CCDC57: variants seen among roughly 807,000 people sequenced by gnomAD.
CCDC57 encodes the protein coiled-coil domain-containing protein 57.
A neutral mutation model predicts 118.9 loss-of-function variants in CCDC57; 118 were observed. The observed-to-expected ratio is 0.99, with a 90% CI of 0.86 to 1.16. CCDC57 has a LOEUF of 1.16. CCDC57 is among the 50% of genes most tolerant of loss of function. The pLI, the probability that CCDC57 is intolerant of heterozygous loss-of-function variation, is 0.00. For missense variants in CCDC57, 1,300 were observed against 1,320.7 expected (o/e 0.98, Z 0.24); for synonymous variants, 527 against 532.9 (o/e 0.99, Z 0.15).
At chr17:82,128,667 C>T in intron 17 of CCDC57, 70 bp from the exon 17 acceptor site, 1 of 1,255,428 alleles carries the variant, frequency 8.0e-7, no homozygotes, top group Non-Finnish European at 1.1e-6. Flanking sequence ...AGTGAGTTTT[C>T]CCACAAGATT....
At chr17:82,160,438 G>C (rs532890416) in intron 14 of CCDC57, 40 of 150,448 alleles carry the variant, frequency 2.7e-4, no homozygotes, top group African/African-American at 8.8e-4. Flanking sequence ...AGGCAGACAG[G>C]CCAGGTGCAG....
At chr17:82,155,921 C>G (rs963869372) in intron 15 of CCDC57, 11 of 152,218 alleles carry the variant, frequency 7.2e-5, no homozygotes, top group African/African-American at 2.7e-4. Flanking sequence ...AGTGTATGCC[C>G]CGCCTGTGCC....
intron 17 of CCDC57, among the ~76,000 whole-genome samples, chr17:82,131,978 C>T (rs1418353927): frequency 6.6e-6 from 1 of 151,604 alleles, no homozygotes; most frequent in African/African-American, 2.4e-5. Flanking sequence ...TAAGGCCAGG[C>T]ATGCTGGCGG....
chr17:82,172,603 C>T lies in CCDC57; in HGVS notation c.1729+35G>A. 6.5e-7 allele frequency: 1 copy of T among 1,532,656 alleles called. No homozygotes were observed. Among genetic ancestry groups the T allele is most frequent in the Non-Finnish European group, 8.8e-7 (1 of 1,131,588 alleles). 94.9% of individuals were successfully genotyped at this position (1,532,656 alleles called of 1,614,324 possible). A position where few individuals can be genotyped will look rare whatever the true frequency, so the allele number is the denominator to read the frequency against. On this transcript the variant is annotated intron_variant, in intron 12 of 19. Transcript: ENST00000665763. This position sits in a 1 kb window ranked among gnomAD's most constrained non-coding sequence, Gnocchi z 5.2. ...TCCTCCTCCCTCCCTCTCCCCCTTCCTCTCCCGCTCTGTCCGTTTCTCCCA... is the reference window on the plus strand; with the variant it reads ...TCCTCCTCCCTCCCTCTCCCCCTTCTTCTCCCGCTCTGTCCGTTTCTCCCA...
intron 17 of CCDC57, among the ~76,000 whole-genome samples, chr17:82,130,738 G>A (rs891634968): frequency 2.0e-5 from 3 of 149,774 alleles, no homozygotes; most frequent in African/African-American, 7.3e-5. Flanking sequence ...CCTGACCTCA[G>A]ATGATCTGCC....
intron 19 of CCDC57, among the ~76,000 whole-genome samples, chr17:82,119,151 A>AT (rs78230601): frequency 1 from 136,453 of 136,468 alleles, 68,219 homozygotes; most frequent in Middle Eastern, 1. Flanking sequence ...GTGAGAAATT[A>AT]GTCGTATTTT....
At chr17:82,194,978 C>T (rs1416045643) in intron 5 of CCDC57, among the ~76,000 whole-genome samples, 1 of 152,260 alleles carries the variant, frequency 6.6e-6, no homozygotes, top group Non-Finnish European at 1.5e-5. Context: ...GATCTGTGCA[C>T]CGTGATGCCC....
intron 9 of CCDC57, among the ~76,000 whole-genome samples, chr17:82,183,518 C>T (rs1307685468): frequency 1.3e-5 from 2 of 152,058 alleles, no homozygotes; most frequent in African/African-American, 4.8e-5. Context: ...CAAGCAGGAG[C>T]ACCTTTATGG....
At chr17:82,142,315 GT>G (rs1170208899) in intron 16 of CCDC57, among the ~76,000 whole-genome samples, 1 of 148,642 alleles carries the variant, frequency 6.7e-6, no homozygotes, top group Admixed American at 6.7e-5. Context: ...AGTTGTGTTT[GT>G]TTTTTTTTTT....
chr17:82,202,053 G>A (rs929818969), intron 2 of CCDC57, 101 bp from the exon 2 acceptor site: 77 of 1,208,610 alleles, frequency 6.4e-5, no homozygotes, highest in East Asian at 4.1e-4. Context: ...TACCACGGCC[G>A]GGCACGGTGG....
At chr17:82,190,968 A>G (rs2047600992) in intron 7 of CCDC57, among the ~76,000 whole-genome samples, 1 of 151,852 alleles carries the variant, frequency 6.6e-6, no homozygotes, top group African/African-American at 2.4e-5. Flanking sequence ...CATTGTTGCT[A>G]TAGAAAAAGC....
chr17:82,126,285 G>GAAA, intron 19 of CCDC57: 16 of 565,824 alleles, frequency 2.8e-5, no homozygotes, highest in Non-Finnish European at 3.2e-5. Context: ...CATCTCAAAG[G>GAAA]AAAAAAAAAA....
rs1388969839 is a variant in CCDC57, at chr17:82,193,864, G to A, written c.777-34C>T. 2.5e-6 allele frequency: 4 copies of A among 1,572,802 alleles called. No individual in the cohort carries two copies. The East Asian group carries it at 6.9e-5, about 27-fold the overall frequency. On this transcript the variant is annotated intron_variant, in intron 6 of 19. Coordinates refer to ENST00000665763, the Ensembl canonical transcript of CCDC57. ...AAACAAATATTTATGGAAGGAGCAA[G>A]TGAGATGAAAGCAAAGACCAGCCTG...
chr17:82,191,408 G>A (rs893786361), intron 7 of CCDC57, among the ~76,000 whole-genome samples: 1 of 152,210 alleles, frequency 6.6e-6, no homozygotes, highest in African/African-American at 2.4e-5. Context: ...TGAGACTCAA[G>A]TGTTAAAGCG....
chr17:82,195,810 C>A (rs982106615), intron 4 of CCDC57, among the ~76,000 whole-genome samples: 1 of 152,108 alleles, frequency 6.6e-6, no homozygotes, highest in East Asian at 1.9e-4. Flanking sequence ...CAGAGCTTCC[C>A]GACAGCCAGT....
In CCDC57 at chr17:82,151,687, G is replaced by C. The variant is rs1193458970; in HGVS notation, c.2328C>G (p.Thr776=). The C allele has an allele frequency of 1.9e-6, 3 of 1,550,404 alleles. No homozygotes were observed. The Admixed American group carries it at 5.9e-5, about 30-fold the overall frequency. ...TTCTCTGGAGTCGGTGCATAGATAA[G>C]GTCTGGGGGGCACGTGCCACTGACC... The change falls in exon 16 of 20, where the codon ACC becomes ACG. Residue 776 remains threonine (T), a synonymous_variant. Coordinates refer to ENST00000665763, the Ensembl canonical transcript of CCDC57.
intron 2 of CCDC57, among the ~76,000 whole-genome samples, chr17:82,204,890 G>A (rs1017234366): frequency 1.3e-5 from 2 of 152,224 alleles, no homozygotes; most frequent in Non-Finnish European, 2.9e-5. Context: ...ATGTGTGGCA[G>A]GTGCCGCTCT....
intron 19 of CCDC57, among the ~76,000 whole-genome samples, chr17:82,105,883 G>C (rs1477688405): frequency 6.6e-6 from 1 of 152,240 alleles, no homozygotes; most frequent in Non-Finnish European, 1.5e-5. Context: ...GCTCTGGGCA[G>C]TCCTGCCACC....
chr17:82,157,762 C>T (rs2042853179), exon 15 of CCDC57: 1 of 1,598,466 alleles, frequency 6.3e-7, no homozygotes, highest in Non-Finnish European at 8.5e-7. Context: ...CTCCCAAGGG[C>T]CACGGCGTCC....
Sources: gnomAD v4.1 joint callset for allele counts (sites outside exome capture counted in the v4.1 genomes callset) on GRCh38, gnomAD v4.1.1 for gene constraint, Gnocchi (gnomAD v3.1) non-coding constraint, MANE v1.5 for transcripts, NCBI Gene and HGNC (gene_info 2026-07-23, HGNC 2026-07-21) for gene names.